Variants in IMMP2L observed in about 807,000 individuals in gnomAD.
IMMP2L encodes the protein inner mitochondrial membrane peptidase subunit 2, also known as mitochondrial inner membrane protease subunit 2.
Under a neutral mutation model 19.3 loss-of-function variants are expected in IMMP2L, and 18 were observed. The observed-to-expected ratio is 0.93, with a 90% CI of 0.64 to 1.38. The LOEUF is 1.38. IMMP2L is among the 40% of genes most tolerant of loss of function. The pLI, the probability that IMMP2L is intolerant of heterozygous loss-of-function variation, is 0.00. For synonymous variants in IMMP2L, 76 were observed against 73.0 expected (o/e 1.04, Z -0.21); for missense variants, 233 against 218.2 (o/e 1.07, Z -0.43).
chr7:110,871,880 A>C (rs1039147788), intron 5 of IMMP2L, among the ~76,000 whole-genome samples: 2 of 152,160 alleles, frequency 1.3e-5, no homozygotes, highest in African/African-American at 4.8e-5. Context: ...GCACAGGATA[A>C]CCTATTTATT....
intron 5 of IMMP2L, among the ~76,000 whole-genome samples, chr7:110,786,593 T>G (rs1800096384): frequency 6.6e-6 from 1 of 151,988 alleles, no homozygotes; most frequent in Non-Finnish European, 1.5e-5. Context: ...TAGCTAAACC[T>G]AACACTAAGT....
intron 3 of IMMP2L, among the ~76,000 whole-genome samples, chr7:111,029,284 T>C (rs993187915): frequency 6.6e-6 from 1 of 152,152 alleles, no homozygotes; most frequent in African/African-American, 2.4e-5. Context: ...GGGAAGGATC[T>C]GGTTTCAGCT....
rs60697579 is a variant in IMMP2L, at chr7:111,551,495, GGTGTGT to G, written c.-3+10350_-3+10355del. ...AGGTATGTTAGGTATGACTGTTAGA[GGTGTGT>G]GTGTGTGTGTGTGTGTGTGTGTGTG... On this transcript the variant is annotated intron_variant, in intron 1 of 5. Transcript: ENST00000405709. Among the ~76,000 whole-genome samples, 1,288 of 145,298 alleles carry G rather than the reference GGTGTGT, an allele frequency of 8.9e-3. 8 individuals carry two copies. The highest frequency in any genetic ancestry group is 0.014 in the African/African-American group (532 of 39,404).
chr7:110,725,616 T>C (rs1795837983), intron 5 of IMMP2L: 1 of 152,212 alleles, frequency 6.6e-6, no homozygotes, highest in African/African-American at 2.4e-5. Flanking sequence ...TCATGTCTAC[T>C]ATGTTTAAGC....
intron 3 of IMMP2L, among the ~76,000 whole-genome samples, chr7:111,303,431 T>C (rs1822482376): frequency 2.0e-5 from 3 of 152,238 alleles, no homozygotes; most frequent in South Asian, 2.1e-4. Context: ...ATACTCACAG[T>C]TTGGAAGCAA....
intron 5 of IMMP2L, among the ~76,000 whole-genome samples, chr7:110,847,721 G>C (rs1563021681): frequency 6.6e-6 from 1 of 152,092 alleles, no homozygotes; most frequent in African/African-American, 2.4e-5. Context: ...GAGATTAACA[G>C]AACAAACTAG....
intron 3 of IMMP2L, among the ~76,000 whole-genome samples, chr7:111,422,107 T>C (rs564190378): frequency 6.6e-6 from 1 of 151,958 alleles, no homozygotes; most frequent in Admixed American, 6.5e-5. Context: ...ACCAGTACCA[T>C]GCTGTTTTGG....
intron 5 of IMMP2L, among the ~76,000 whole-genome samples, chr7:110,868,836 C>G (rs1808263800): frequency 6.6e-6 from 1 of 151,770 alleles, no homozygotes; most frequent in South Asian, 2.1e-4. Context: ...TAATCAATTT[C>G]TTGTTCTGGA....
intron 3 of IMMP2L, among the ~76,000 whole-genome samples, chr7:111,018,895 A>G (rs1825988937): frequency 2.6e-5 from 4 of 151,172 alleles, no homozygotes; most frequent in African/African-American, 7.3e-5. Flanking sequence ...TTTAAAAAAA[A>G]TCCTACACCT....
chr7:110,874,862 A>G lies in IMMP2L; in HGVS notation c.408+11731T>C, dbSNP rs552905480. Among the ~76,000 whole-genome samples, 4 of 152,200 alleles carry G rather than the reference A, an allele frequency of 2.6e-5. No individual in the cohort carries two copies. The East Asian group carries it at 5.8e-4, about 22-fold the overall frequency. Reference sequence around the variant, plus strand: ...TATTAAGGAACCAGCAGGTTTGATGATTCTGATTTCAAGATGGCACCTTGA... The same window carrying G: ...TATTAAGGAACCAGCAGGTTTGATGGTTCTGATTTCAAGATGGCACCTTGA... On this transcript the variant is annotated intron_variant, in intron 5 of 5. Coordinates refer to ENST00000405709, the MANE Select transcript of IMMP2L (RefSeq NM_032549.4).
At chr7:110,876,912 A>C (rs181868436) in intron 5 of IMMP2L, among the ~76,000 whole-genome samples, 89 of 152,224 alleles carry the variant, frequency 5.8e-4, no homozygotes, top group Middle Eastern at 6.8e-3. Flanking sequence ...CTTTCCTATT[A>C]ACAGCCAGAC....
chr7:111,532,820 G>A (rs1341170230), intron 1 of IMMP2L, among the ~76,000 whole-genome samples: 2 of 152,116 alleles, frequency 1.3e-5, no homozygotes, highest in Non-Finnish European at 2.9e-5. Context: ...TTGGAAAGGT[G>A]CCCACAGCCC....
intron 5 of IMMP2L, among the ~76,000 whole-genome samples, chr7:110,883,893 CA>C (rs141965636): frequency 0.04 from 6,098 of 151,962 alleles, 397 homozygotes; most frequent in African/African-American, 0.14. Flanking sequence ...GGAAAGTGTA[CA>C]AGCTAACTGG....
At chr7:110,702,196 A>G (rs28404400) in intron 5 of IMMP2L, among the ~76,000 whole-genome samples, 4,371 of 152,116 alleles carry the variant, frequency 0.029, 209 homozygotes, top group African/African-American at 0.098. Flanking sequence ...AGGCCTCCCA[A>G]AGTGCTGGGA....
chr7:110,823,333 G>A (rs1371199229), intron 5 of IMMP2L, among the ~76,000 whole-genome samples: 4 of 151,886 alleles, frequency 2.6e-5, no homozygotes, highest in African/African-American at 9.7e-5. Flanking sequence ...ATATACAGTA[G>A]ACACAAGTTT....
chr7:111,462,411 A>G (rs976244242), intron 3 of IMMP2L, among the ~76,000 whole-genome samples: 1 of 152,198 alleles, frequency 6.6e-6, no homozygotes, highest in Non-Finnish European at 1.5e-5. Context: ...AGAGATTAGG[A>G]AATTAATGAA....
chr7:110,867,112 C>T (rs1242614806), intron 5 of IMMP2L, among the ~76,000 whole-genome samples: 1 of 151,900 alleles, frequency 6.6e-6, no homozygotes, highest in African/African-American at 2.4e-5. Context: ...TAAAATACCA[C>T]AGACTGGGTG....
At chr7:110,850,113 A>G (rs55800336) in intron 5 of IMMP2L, among the ~76,000 whole-genome samples, 1 of 152,080 alleles carries the variant, frequency 6.6e-6, no homozygotes, top group African/African-American at 2.4e-5. Context: ...AAGTCAGAAA[A>G]TATAATGCAT....
At chr7:111,205,301 T>G (rs1351052170) in intron 3 of IMMP2L, among the ~76,000 whole-genome samples, 1 of 152,216 alleles carries the variant, frequency 6.6e-6, no homozygotes, top group Non-Finnish European at 1.5e-5. Flanking sequence ...TGATTAAGTT[T>G]CAACATATGA....
Sources: allele counts gnomAD v4.1 joint callset (sites outside exome capture counted in the v4.1 genomes callset), GRCh38; gene constraint gnomAD v4.1.1; transcripts MANE v1.5; gene names NCBI Gene and HGNC (gene_info 2026-07-23, HGNC 2026-07-21).